The following DNAH1 variants were observed in gnomAD, a reference collection of about 807,000 sequenced individuals.
DNAH1 encodes dynein axonemal heavy chain 1.
DNAH1 carries 327 observed loss-of-function variants against 484.3 expected under a neutral mutation model. The ratio of observed to expected loss-of-function variants is 0.68; its 90% CI spans 0.62 to 0.74. The LOEUF (loss-of-function observed/expected upper bound fraction) is 0.74, where lower values mean the gene tolerates loss of function less well. DNAH1 is among the 30% of genes least tolerant of loss of function. The pLI is 0.00. For missense variants in DNAH1, 5,052 were observed against 5,546.8 expected, an observed-to-expected ratio of 0.91 and a Z score of 2.83; for synonymous variants, 2,192 against 2,191.9, an observed-to-expected ratio of 1.00 and a Z score of 0.00.
At chr3:52,339,133 A>G (rs895770329) in intron 8 of DNAH1, among the ~76,000 whole-genome samples, 1 of 151,800 alleles carries the variant, frequency 6.6e-6, no homozygotes, top group African/African-American at 2.4e-5. Flanking sequence ...CTATATCTCT[A>G]TGTATCTATG....
chr3:52,359,825 CTGTT>C (rs1702780169), intron 26 of DNAH1, 87 bp from the exon 27 acceptor site: 1 of 1,521,844 alleles, frequency 6.6e-7, no homozygotes, highest in African/African-American at 1.4e-5. Flanking sequence ...GATAGAGGGA[CTGTT>C]TGTGGCAGAA....
At chr3:52,344,752 C>G in intron 9 of DNAH1, 105 bp downstream of exon 9, 2 of 1,225,910 alleles carry the variant, frequency 1.6e-6, no homozygotes, top group Non-Finnish European at 2.3e-6. Context: ...TGGGCGTCAT[C>G]AGCCCAACAC....
In DNAH1 at chr3:52,384,863, C is replaced by T. The variant is rs771923018; in HGVS notation, c.8400C>T (p.Asn2800=). 1 of 1,612,944 alleles carries T rather than the reference C, an allele frequency of 6.2e-7. No individual in the cohort carries two copies. Among genetic ancestry groups the T allele is most frequent in the Non-Finnish European group, 8.5e-7 (1 of 1,179,408 alleles). Residue 2800 remains asparagine (N), a synonymous_variant, in exon 53 of 78, where the codon AAC becomes AAT. Coordinates refer to ENST00000420323, the MANE Select transcript of DNAH1 (RefSeq NM_015512.5). ...ACCTGGCAGAGCTGACCCGCCACAA[C>T]TATGTGACCCCCAAGAGCTACTTGG... ...IEYLAELTRH[N]YVTPKSYLEL... is the part of the protein sequence containing the mutation.
intron 5 of DNAH1, among the ~76,000 whole-genome samples, 193 bp downstream of exon 5, chr3:52,327,084 GC>G (rs914593046): frequency 1.3e-5 from 2 of 150,992 alleles, no homozygotes; most frequent in South Asian, 2.1e-4. Flanking sequence ...GGGGCCCCCA[GC>G]CCCCCTAGAA....
At chr3:52,311,759 T>G (rs1215878206), upstream of DNAH1, among the ~76,000 whole-genome samples, 1 of 152,114 alleles carries the variant, frequency 6.6e-6, no homozygotes, top group Admixed American at 6.5e-5. Context: ...GTGGGGTTGC[T>G]GGGACCCAGG....
intron 70 of DNAH1, 62 bp from the exon 71 acceptor site, chr3:52,396,306 C>A: frequency 1.3e-6 from 2 of 1,504,478 alleles, no homozygotes; most frequent in South Asian, 1.3e-5. Flanking sequence ...CAGGAGGGAG[C>A]CTGGTGTCAG....
Position 52,388,297 on chromosome 3 carries a change from A to T in DNAH1, c.9134A>T (p.Lys3045Met). ...SICQWVRAMH[K>M]YHFVAKAVEP... ...TGCCAGTGGGTGCGCGCCATGCACAAGTACCACTTTGTGGCCAAGGCCGTG... is the reference window on the plus strand; with the variant it reads ...TGCCAGTGGGTGCGCGCCATGCACATGTACCACTTTGTGGCCAAGGCCGTG... Residue 3045 changes from lysine (K) to methionine (M), a missense_variant, in exon 57 of 78, where the codon AAG (lysine) becomes ATG (methionine). Lys to Met is a moderately conservative substitution (Grantham distance 95). Coordinates refer to ENST00000420323, the MANE Select transcript of DNAH1 (RefSeq NM_015512.5). 6.2e-7 allele frequency: 1 copy of T among 1,602,642 alleles called. No individual in the cohort carries two copies. The highest frequency in any genetic ancestry group is 8.5e-7 in the Non-Finnish European group (1 of 1,174,770).
At chr3:52,343,302 G>A (rs1702016421) in intron 8 of DNAH1, among the ~76,000 whole-genome samples, 1 of 152,148 alleles carries the variant, frequency 6.6e-6, no homozygotes, top group Non-Finnish European at 1.5e-5. Context: ...CCCCTGGGAG[G>A]GCGTGGGAGG....
chr3:52,385,192 C>G, intron 53 of DNAH1, 145 bp from the exon 54 acceptor site: 1 of 1,000,522 alleles, frequency 1.0e-6, no homozygotes, highest in East Asian at 2.6e-5. Flanking sequence ...GACTGATGCC[C>G]TTCCTCTGGG....
chr3:52,378,376 C>T (rs1478766813), intron 46 of DNAH1, among the ~76,000 whole-genome samples: 1 of 151,236 alleles, frequency 6.6e-6, no homozygotes, highest in African/African-American at 2.4e-5. Flanking sequence ...CTCCGACAGG[C>T]CATGTCAGCA....
Position 52,400,363 on chromosome 3 carries a change from A to G in DNAH1, c.12715A>G (p.Ile4239Val), listed in dbSNP as rs754008085. 1 of 1,614,018 alleles carries G rather than the reference A, an allele frequency of 6.2e-7. No homozygotes were observed. The highest frequency in any genetic ancestry group is 8.5e-7 in the Non-Finnish European group (1 of 1,179,880). ...STTGHSTNYV[I>V]AVEIPTHQPQ... ...CACAGGACACTCTACCAACTATGTCATTGCTGTGGAGATCCCCACCCATCA... is the reference window on the plus strand; with the variant it reads ...CACAGGACACTCTACCAACTATGTCGTTGCTGTGGAGATCCCCACCCATCA... Residue 4239 changes from isoleucine (I) to valine (V), a missense_variant, in exon 78 of 78, where the codon ATT (isoleucine) becomes GTT (valine). Coordinates refer to ENST00000420323, the MANE Select transcript of DNAH1 (RefSeq NM_015512.5).
At position 52,353,580 on chromosome 3, in the gene DNAH1, G is replaced by A. The variant is rs371840562; in HGVS notation, c.3427G>A (p.Glu1143Lys). Reference sequence around the variant, plus strand: ...GGAGATGAACCTGCAGGACCATATCGAGAGCATCAGCAAGGTGGCTGAGGT... The same window carrying A: ...GGAGATGAACCTGCAGGACCATATCAAGAGCATCAGCAAGGTGGCTGAGGT... ...CLEMNLQDHI[E>K]SISKVAEVAG... Residue 1143 changes from glutamate (E) to lysine (K), a missense_variant, in exon 20 of 78, where the codon GAG (glutamate) becomes AAG (lysine). Physicochemically the swap from Glu to Lys is moderately conservative, Grantham distance 56. This residue lies in a region of DNAH1 where 2,929 missense variants were observed against 3,409.4 expected (regional missense o/e 0.86). Transcript: ENST00000420323. The surrounding 1 kb of genome is among the most constrained non-coding windows in gnomAD (Gnocchi z 5.0). 56 of 1,611,990 alleles carry A rather than the reference G, an allele frequency of 3.5e-5. No homozygotes were observed. The highest frequency in any genetic ancestry group is 1.9e-4 in the African/African-American group (14 of 74,898).
chr3:52,328,489 C>T (rs1178020827), intron 6 of DNAH1, among the ~76,000 whole-genome samples: 1 of 152,192 alleles, frequency 6.6e-6, no homozygotes, highest in Non-Finnish European at 1.5e-5. Flanking sequence ...ATACACACCC[C>T]CAACAACCTC....
intron 8 of DNAH1, 60 bp from the exon 9 acceptor site, chr3:52,344,430 C>T (rs775947275): frequency 7.2e-5 from 114 of 1,577,208 alleles, no homozygotes; most frequent in Non-Finnish European, 8.9e-5. Flanking sequence ...GCTTGGGCCC[C>T]GGCTGGGGTT....
At position 52,398,050 on chromosome 3, in the gene DNAH1, C is replaced by G; in HGVS notation, c.11977C>G (p.Gln3993Glu). 7 of 1,613,814 alleles carry G rather than the reference C, an allele frequency of 4.3e-6. No homozygotes were observed. The highest frequency in any genetic ancestry group is 5.9e-6 in the Non-Finnish European group (7 of 1,179,832). Residue 3993 changes from glutamine (Q) to glutamate (E), a missense_variant, in exon 75 of 78, where the codon CAA (glutamine) becomes GAA (glutamate). Physicochemically the swap from Gln to Glu is conservative, Grantham distance 29. Coordinates refer to ENST00000420323, the MANE Select transcript of DNAH1 (RefSeq NM_015512.5). ...CCTGCAGATAGTGGAGGACGTCACCCAAAACATTCTGCTCAAGGTGCCTGA... is the reference window on the plus strand; with the variant it reads ...CCTGCAGATAGTGGAGGACGTCACCGAAAACATTCTGCTCAAGGTGCCTGA... ...GREEIVEDVT[Q>E]NILLKVPEPI...
At position 52,395,261 on chromosome 3, in the gene DNAH1, C is replaced by T; in HGVS notation, c.10969-47C>T. ...CCAGATCCCCCTCCCTTGCCCCGATCTCTCTGCAGCCCCAGGTGGTCTCAG... is the reference window on the plus strand; with the variant it reads ...CCAGATCCCCCTCCCTTGCCCCGATTTCTCTGCAGCCCCAGGTGGTCTCAG... On this transcript the variant is annotated intron_variant, in intron 68 of 77. Coordinates refer to ENST00000420323, the MANE Select transcript of DNAH1 (RefSeq NM_015512.5). The surrounding 1 kb of genome is among the most constrained non-coding windows in gnomAD (Gnocchi z 4.4). 1 of 1,595,286 alleles carries T rather than the reference C, an allele frequency of 6.3e-7. No homozygotes were observed. The highest frequency in any genetic ancestry group is 8.6e-7 in the Non-Finnish European group (1 of 1,169,366).
rs1266225338 is a variant in DNAH1 at position 52,362,363 on chromosome 3, G to A, written c.4981-25G>A. ...ACAAGGCTGGGCACCCTAGTCCCAGGCAAGTCAGCCTCTCCCCACTGCAGG... is the reference window on the plus strand; with the variant it reads ...ACAAGGCTGGGCACCCTAGTCCCAGACAAGTCAGCCTCTCCCCACTGCAGG... On this transcript the variant is annotated intron_variant, in intron 30 of 77. Coordinates refer to ENST00000420323, the MANE Select transcript of DNAH1 (RefSeq NM_015512.5). The surrounding 1 kb of genome is among the most constrained non-coding windows in gnomAD (Gnocchi z 5.1). 1 of 1,603,234 alleles carries A rather than the reference G, an allele frequency of 6.2e-7. No homozygotes were observed. Among genetic ancestry groups the A allele is most frequent in the Admixed American group, 1.7e-5 (1 of 59,032 alleles).
In DNAH1 at chr3:52,373,051, T is replaced by G. The variant is rs370646177; in HGVS notation, c.6983T>G (p.Ile2328Ser). Reference sequence around the variant, plus strand: ...GGCGGCTGGTACGACCGCAAGATCATTGGTGAGTGTGGCCGGCCTGGCTCA... The same window carrying G: ...GGCGGCTGGTACGACCGCAAGATCAGTGGTGAGTGTGGCCGGCCTGGCTCA... ...DHGGWYDRKI[I>S]GAFKNLVDIN... The change falls in exon 44 of 78, where the codon ATT (isoleucine) becomes AGT (serine). Residue 2328 changes from isoleucine (I) to serine (S), a missense_variant and splice_region_variant. By Grantham distance (142) the Ile-to-Ser change is moderately radical. This residue lies in a region of DNAH1 where 2,929 missense variants were observed against 3,409.4 expected (regional missense o/e 0.86). Transcript: ENST00000420323. 6.8e-6 allele frequency: 11 copies of G among 1,609,760 alleles called. No homozygotes were observed. In the South Asian group the frequency reaches 1.2e-4, roughly 18 times the overall value.
At chr3:52,399,240 G>A in intron 76 of DNAH1, 39 bp downstream of exon 76, 3 of 1,561,642 alleles carry the variant, frequency 1.9e-6, no homozygotes, top group Non-Finnish European at 2.6e-6. Context: ...TGACAGGCTA[G>A]GGTACAGCCC....
Sources: allele counts gnomAD v4.1 joint callset (sites outside exome capture counted in the v4.1 genomes callset), GRCh38; gene constraint gnomAD v4.1.1; regional missense constraint gnomAD v4.1.1; non-coding constraint Gnocchi (gnomAD v3.1); transcripts MANE v1.5; gene names NCBI Gene and HGNC (gene_info 2026-07-23, HGNC 2026-07-21).